Variants in LZTFL1 observed in about 807,000 individuals in gnomAD.
The protein encoded by LZTFL1 is leucine zipper transcription factor-like protein 1.
Under a neutral mutation model 45.9 loss-of-function variants are expected in LZTFL1, and 25 were observed. The observed-to-expected ratio is 0.54, with a 90% CI of 0.40 to 0.76. The LOEUF (loss-of-function observed/expected upper bound fraction) is 0.76, where lower values mean the gene tolerates loss of function less well. LZTFL1 is among the 30% of genes least tolerant of loss of function. The probability of loss-of-function intolerance (pLI) is 0.00; values close to 1 mark genes in which losing one functional copy is unlikely to be tolerated. For synonymous variants in LZTFL1, 93 were observed against 117.4 expected (o/e 0.79, Z 1.35); for missense variants, 277 against 331.1 (o/e 0.84, Z 1.27).
At chr3:45,898,979 A>G (rs533663002) in intron 2 of LZTFL1, among the ~76,000 whole-genome samples, 100 of 152,326 alleles carry the variant, frequency 6.6e-4, no homozygotes, top group African/African-American at 2.1e-3. Context: ...CAGCCTGACC[A>G]ACATGGTGAA....
At chr3:45,881,638 C>T (rs886769851) in intron 2 of LZTFL1, among the ~76,000 whole-genome samples, 1 of 152,138 alleles carries the variant, frequency 6.6e-6, no homozygotes, top group Admixed American at 6.5e-5. Context: ...TTACTAACTG[C>T]GACACACGAA....
At chr3:45,897,057 T>C (rs1163500495) in intron 2 of LZTFL1, among the ~76,000 whole-genome samples, 2 of 152,166 alleles carry the variant, frequency 1.3e-5, no homozygotes, top group Non-Finnish European at 2.9e-5. Context: ...GAAGAGGACG[T>C]GCCTGTGTGG....
chr3:45,867,164 A>C (rs1318671825), intron 2 of LZTFL1, among the ~76,000 whole-genome samples: 3 of 151,668 alleles, frequency 2.0e-5, no homozygotes, highest in Non-Finnish European at 2.9e-5. Context: ...AAAAAAAAAA[A>C]AAAAAAACCC....
intron 1 of LZTFL1, among the ~76,000 whole-genome samples, chr3:45,839,749 A>G (rs1355740360): frequency 6.6e-6 from 1 of 152,152 alleles, no homozygotes; most frequent in East Asian, 1.9e-4. Flanking sequence ...CCACCAATAT[A>G]ATGTCACTGA....
In LZTFL1 at chr3:45,842,058, A is replaced by G; in HGVS notation, c.-67T>C. 2 of 1,600,638 alleles carry G rather than the reference A, an allele frequency of 1.2e-6. No homozygotes were observed. Among genetic ancestry groups the G allele is most frequent in the Non-Finnish European group, 1.7e-6 (2 of 1,175,326 alleles). ...CAGGCGGTGCCCCGCCAAGCCTGGG[A>G]TCGCCGAGGGTAGTTGGACCACAGA... On this transcript the variant is annotated 5_prime_UTR_variant, in exon 1 of 10. Transcript: ENST00000296135.
intron 2 of LZTFL1, among the ~76,000 whole-genome samples, chr3:45,911,783 AAG>A (rs1702799730): frequency 6.6e-6 from 1 of 152,242 alleles, no homozygotes; most frequent in Non-Finnish European, 1.5e-5. Flanking sequence ...TGAATGCAGA[AAG>A]ACATCAACAA....
At chr3:45,863,994 T>C (rs1244685403) in intron 2 of LZTFL1, among the ~76,000 whole-genome samples, 5 of 152,250 alleles carry the variant, frequency 3.3e-5, no homozygotes, top group Non-Finnish European at 7.3e-5. Context: ...AGGAAAGTGT[T>C]CTTTTTTTAA....
At chr3:45,882,773 T>C (rs1040203827) in intron 2 of LZTFL1, among the ~76,000 whole-genome samples, 1 of 151,074 alleles carries the variant, frequency 6.6e-6, no homozygotes. Context: ...GGTACAGCAC[T>C]TGGTCCATAA....
At position 45,901,568 on chromosome 3, in the gene LZTFL1, G is replaced by T; in HGVS notation, c.-215+11552C>A. ...CCCTAAAAGTGACCATCACTGTCCT[G>T]ACCGTCTTTGTCTTGTCTCAGTTTC... On this transcript the variant is annotated intron_variant, in intron 2 of 4. Transcript: ENST00000472635. The surrounding 1 kb of genome is among the most constrained non-coding windows in gnomAD (Gnocchi z 4.3). 6.2e-7 allele frequency: 1 copy of T among 1,614,180 alleles called. No homozygotes were observed. The highest frequency in any genetic ancestry group is 1.1e-5 in the South Asian group (1 of 91,066).
chr3:45,850,970 C>A (rs1286679826), intron 4 of LZTFL1, among the ~76,000 whole-genome samples: 2 of 152,152 alleles, frequency 1.3e-5, no homozygotes, highest in African/African-American at 4.8e-5. Flanking sequence ...CCTATCTTGC[C>A]ATCCCTGATA....
In LZTFL1 at chr3:45,901,862, G is replaced by A. The variant is rs762500309; in HGVS notation, c.-215+11258C>T. 6.2e-7 allele frequency: 1 copy of A among 1,609,044 alleles called. No homozygotes were observed. On this transcript the variant is annotated intron_variant, in intron 2 of 4. Coordinates refer to the LZTFL1 transcript ENST00000472635. The surrounding 1 kb of genome is among the most constrained non-coding windows in gnomAD (Gnocchi z 4.3). ...AGGGAAGCTTGAAGCTGTCGTCTATGTTGCTGGAGACAACCTCAGGAGCAC... is the reference window on the plus strand; with the variant it reads ...AGGGAAGCTTGAAGCTGTCGTCTATATTGCTGGAGACAACCTCAGGAGCAC...
intron 2 of LZTFL1, chr3:45,895,044 G>T (rs912227134): frequency 6.6e-5 from 87 of 1,322,908 alleles, no homozygotes; most frequent in Non-Finnish European, 9.1e-5. Flanking sequence ...GTGGGGGAAG[G>T]ATTTATCTGT....
chr3:45,842,936 C>T (rs1403993433), upstream of LZTFL1, among the ~76,000 whole-genome samples: 3 of 152,210 alleles, frequency 2.0e-5, no homozygotes, highest in African/African-American at 2.4e-5. Context: ...ACCAGGGACT[C>T]AGAGTCCTTC....
At chr3:45,833,743 G>A (rs576290083) in intron 4 of LZTFL1, among the ~76,000 whole-genome samples, 5 of 152,330 alleles carry the variant, frequency 3.3e-5, no homozygotes, top group Middle Eastern at 6.8e-3. Context: ...CAACAATGGA[G>A]TATTTACGGT....
At chr3:45,854,998 T>C (rs1341671525) in exon 4 of LZTFL1, 1 of 1,533,980 alleles carries the variant, frequency 6.5e-7, no homozygotes, top group South Asian at 1.2e-5. Context: ...AGCTTTCTCC[T>C]GGAACTTAGC....
chr3:45,826,967 TC>T (rs1700684373), intron 9 of LZTFL1, among the ~76,000 whole-genome samples: 2 of 152,234 alleles, frequency 1.3e-5, no homozygotes. Context: ...TCTCATTCTC[TC>T]CAACTTAAAC....
intron 9 of LZTFL1, 108 bp from the exon 10 acceptor site, chr3:45,826,440 T>C: frequency 1.1e-6 from 1 of 903,222 alleles, no homozygotes; most frequent in East Asian, 2.4e-5. Flanking sequence ...CAAATTACTG[T>C]TACGGTAGAA....
rs200940136 is a variant in LZTFL1 at position 45,900,914 on chromosome 3, T to G, written c.-215+12206A>C. On this transcript the variant is annotated intron_variant, in intron 2 of 4. Coordinates refer to the LZTFL1 transcript ENST00000472635. The surrounding 1 kb of genome is among the most constrained non-coding windows in gnomAD (Gnocchi z 4.7). The stretch of plus-strand genomic sequence containing the variant: ...CTGACTTCTACTGTGAGAAAAACAA[T>G]GTCAGGCAGTTTGCGAGCCATTTCC... 1.9e-6 allele frequency: 3 copies of G among 1,614,194 alleles called. No homozygotes were observed. Among genetic ancestry groups the G allele is most frequent in the Non-Finnish European group, 2.5e-6 (3 of 1,180,030 alleles).
rs1230603777 is a variant in LZTFL1, at chr3:45,900,661, C to A, written c.-215+12459G>T. ...GTTGAATAAATAAATATGTCACAAC[C>A]CAAGCAGATGTCCTCAGAATGCCTA... On this transcript the variant is annotated intron_variant, in intron 2 of 4. Transcript: ENST00000472635. The surrounding 1 kb of genome is among the most constrained non-coding windows in gnomAD (Gnocchi z 4.7). The A allele has an allele frequency of 1.4e-5, 10 of 714,650 alleles. No individual in the cohort carries two copies. Among genetic ancestry groups the A allele is most frequent in the Admixed American group, 2.5e-5 (1 of 39,268 alleles). 44.3% of individuals were successfully genotyped at this position (714,650 alleles called of 1,614,324 possible).
Sources: gnomAD v4.1 joint callset for allele counts (sites outside exome capture counted in the v4.1 genomes callset) on GRCh38, gnomAD v4.1.1 for gene constraint, Gnocchi (gnomAD v3.1) non-coding constraint, MANE v1.5 for transcripts, NCBI Gene and HGNC (gene_info 2026-07-23, HGNC 2026-07-21) for gene names.